RAPGEF4: variants seen among roughly 807,000 people sequenced by gnomAD.
RAPGEF4 encodes the protein Rap guanine nucleotide exchange factor 4.
Under a neutral mutation model 147.9 loss-of-function variants are expected in RAPGEF4, and 66 were observed. The ratio of observed to expected loss-of-function variants is 0.45; its 90% CI spans 0.37 to 0.55. RAPGEF4 has a LOEUF of 0.55. Ranked by LOEUF, RAPGEF4 falls within the 20% of genes least tolerant of loss-of-function variation. The probability of loss-of-function intolerance (pLI) is 0.00; values close to 1 mark genes in which losing one functional copy is unlikely to be tolerated. For missense variants in RAPGEF4, 1,071 were observed against 1,257.3 expected, an observed-to-expected ratio of 0.85 and a Z score of 2.24; for synonymous variants, 419 against 442.7, an observed-to-expected ratio of 0.95 and a Z score of 0.67.
chr2:172,841,270 C>G (rs919461012), intron 4 of RAPGEF4, among the ~76,000 whole-genome samples: 3 of 152,124 alleles, frequency 2.0e-5, no homozygotes, highest in Non-Finnish European at 4.4e-5. Flanking sequence ...AAGAGCCTAG[C>G]ACCTCCTCCT....
intron 4 of RAPGEF4, among the ~76,000 whole-genome samples, chr2:172,845,318 G>A (rs1415601051): frequency 2.0e-5 from 3 of 152,154 alleles, no homozygotes; most frequent in Non-Finnish European, 2.9e-5. Flanking sequence ...CTTTCAGGGA[G>A]CCAGGAAGCA....
At chr2:172,833,260 GT>G (rs11335525) in intron 4 of RAPGEF4, among the ~76,000 whole-genome samples, 74,197 of 126,694 alleles carry the variant, frequency 0.59, 20,506 homozygotes, top group Middle Eastern at 0.64. Context: ...AGAGGTTTGG[GT>G]TTTTTTTTTT....
intron 5 of RAPGEF4, among the ~76,000 whole-genome samples, chr2:172,921,564 T>C (rs1484238735): frequency 6.6e-6 from 1 of 152,370 alleles, no homozygotes; most frequent in Admixed American, 6.5e-5. Context: ...CCTATGCTTC[T>C]GTCTCCTCTG....
chr2:172,952,291 ATTTGT>A (rs763125043), intron 6 of RAPGEF4, among the ~76,000 whole-genome samples: 62 of 152,308 alleles, frequency 4.1e-4, no homozygotes, highest in Non-Finnish European at 6.6e-4. Context: ...AAATCTTAAC[ATTTGT>A]TTTATTTCCA....
intron 1 of RAPGEF4, among the ~76,000 whole-genome samples, chr2:172,781,642 A>G (rs1472621874): frequency 6.6e-6 from 1 of 152,128 alleles, no homozygotes; most frequent in Non-Finnish European, 1.5e-5. Context: ...TACCCATGGG[A>G]GGATTTGTTC....
At position 172,849,280 on chromosome 2, in the gene RAPGEF4, A is replaced by C. The variant is rs187839186; in HGVS notation, c.444+34855A>C. Among the ~76,000 whole-genome samples, 205 of 152,356 alleles carry C rather than the reference A, an allele frequency of 1.3e-3. 1 individual carries two copies. Among genetic ancestry groups the C allele is most frequent in the Non-Finnish European group, 2.4e-3 (162 of 68,030 alleles). ...GACAGAACATAATAGAACACATTGC[A>C]TTAGTTTAAATATCTCCAGCTTTCC... On this transcript the variant is annotated intron_variant, in intron 4 of 30. Transcript: ENST00000397081.
intron 9 of RAPGEF4, among the ~76,000 whole-genome samples, chr2:172,966,062 A>T (rs1470070846): frequency 6.6e-6 from 1 of 152,204 alleles, no homozygotes; most frequent in Non-Finnish European, 1.5e-5. Flanking sequence ...GGCTGATGAC[A>T]TGAAAGTAAG....
intron 4 of RAPGEF4, chr2:172,889,852 T>C: frequency 6.1e-6 from 6 of 977,094 alleles, no homozygotes; most frequent in Non-Finnish European, 7.3e-6. Flanking sequence ...TAGCAGATTT[T>C]GCAAAGGAAA....
At chr2:172,942,217 A>G (rs1459283948) in intron 6 of RAPGEF4, among the ~76,000 whole-genome samples, 1 of 149,744 alleles carries the variant, frequency 6.7e-6, no homozygotes, top group Non-Finnish European at 1.5e-5. Flanking sequence ...CTTTAAAAGT[A>G]ATAACAAAAA....
rs144316198 is a variant in RAPGEF4 at position 173,037,471 on chromosome 2, G to T, written c.2853+779G>T. Among the ~76,000 whole-genome samples the T allele has an allele frequency of 3.2e-3, 483 of 152,322 alleles. 3 individuals are homozygous for T. Among genetic ancestry groups the T allele is most frequent in the African/African-American group, 0.011 (467 of 41,562 alleles). ...CTCCTCCTAGTCCTTACTCCTAGCG[G>T]GGGGGAAAGCAAGGTTATCTGGCTT... On this transcript the variant is annotated intron_variant, in intron 29 of 30. Transcript: ENST00000397081.
chr2:172,771,784 G>A (rs1244628836), intron 1 of RAPGEF4, among the ~76,000 whole-genome samples: 2 of 151,998 alleles, frequency 1.3e-5, no homozygotes, highest in Admixed American at 6.6e-5. Flanking sequence ...ATGTTTATGT[G>A]CATCTGCAAG....
At position 173,020,696 on chromosome 2, in the gene RAPGEF4, G is replaced by A. The variant is rs181938855; in HGVS notation, c.2234G>A (p.Arg745Gln). The A allele has an allele frequency of 2.1e-4, 344 of 1,613,642 alleles. No individual in the cohort carries two copies. Among genetic ancestry groups the A allele is most frequent in the Non-Finnish European group, 2.8e-4 (329 of 1,179,812 alleles). ...TINGRLFACP[R>Q]EQFDSLTPLP... ...AATGGACGCCTGTTTGCTTGCCCGCGAGAGCAATTCGATTCACTGGTAGGT... is the reference window on the plus strand; with the variant it reads ...AATGGACGCCTGTTTGCTTGCCCGCAAGAGCAATTCGATTCACTGGTAGGT... Residue 745 changes from arginine to glutamine, a missense_variant, in exon 23 of 31, where the codon CGA (arginine) becomes CAA (glutamine). Physicochemically the swap from Arg to Gln is conservative, Grantham distance 43. Coordinates refer to ENST00000397081, the MANE Select transcript of RAPGEF4 (RefSeq NM_007023.4).
intron 27 of RAPGEF4, 120 bp downstream of exon 27, chr2:173,034,084 A>T: frequency 1.1e-6 from 1 of 929,580 alleles, no homozygotes. Context: ...TAAGAAGTTT[A>T]TGATCCCTTT....
At chr2:172,979,059 T>C (rs896340911) in intron 10 of RAPGEF4, among the ~76,000 whole-genome samples, 1 of 152,258 alleles carries the variant, frequency 6.6e-6, no homozygotes, top group Non-Finnish European at 1.5e-5. Flanking sequence ...TGAGTAAATC[T>C]GTAATCCTAA....
At chr2:173,033,588 TG>T (rs891863405) in intron 26 of RAPGEF4, among the ~76,000 whole-genome samples, 3 of 152,224 alleles carry the variant, frequency 2.0e-5, no homozygotes, top group African/African-American at 7.2e-5. Flanking sequence ...TTAAAAAGTG[TG>T]GGGGGAGGTA....
chr2:172,740,435 A>C (rs1311021576), intron 1 of RAPGEF4, among the ~76,000 whole-genome samples: 1 of 152,212 alleles, frequency 6.6e-6, no homozygotes, highest in African/African-American at 2.4e-5. Context: ...ATTTTTTTTA[A>C]GTATTCGTGT....
At chr2:172,864,590 T>C (rs895125898) in intron 4 of RAPGEF4, among the ~76,000 whole-genome samples, 2 of 152,150 alleles carry the variant, frequency 1.3e-5, no homozygotes, top group African/African-American at 2.4e-5. Flanking sequence ...TATTACTGGT[T>C]CTCCCAATCA....
intron 4 of RAPGEF4, among the ~76,000 whole-genome samples, chr2:172,901,438 G>T (rs1699048593): frequency 6.6e-6 from 1 of 152,326 alleles, no homozygotes; most frequent in East Asian, 1.9e-4. Flanking sequence ...TACATCATAT[G>T]ATTTTAAATG....
At chr2:172,792,720 T>C (rs576350523) in intron 1 of RAPGEF4, among the ~76,000 whole-genome samples, 17 of 152,338 alleles carry the variant, frequency 1.1e-4, no homozygotes, top group Admixed American at 3.3e-4. Context: ...CTGAAAATGT[T>C]CATCTCTCAT....
Sources: gnomAD v4.1 joint callset for allele counts (sites outside exome capture counted in the v4.1 genomes callset) on GRCh38, gnomAD v4.1.1 for gene constraint, MANE v1.5 for transcripts, NCBI Gene and HGNC (gene_info 2026-07-23, HGNC 2026-07-21) for gene names.